TMEM117: variants seen among roughly 807,000 people sequenced by gnomAD.
The protein encoded by TMEM117 is transmembrane protein 117.
In TMEM117, 27 loss-of-function variants were observed where a neutral mutation model predicts 52.4. That is an observed-to-expected ratio of 0.51 (90% CI 0.38 to 0.71). The LOEUF (loss-of-function observed/expected upper bound fraction) is 0.71, where lower values mean the gene tolerates loss of function less well. Ranked by LOEUF, TMEM117 falls within the 30% of genes least tolerant of loss-of-function variation. The pLI is 0.00. For synonymous variants in TMEM117, 215 were observed against 206.3 expected, an observed-to-expected ratio of 1.04 and a Z score of -0.36; for missense variants, 556 against 630.5, an observed-to-expected ratio of 0.88 and a Z score of 1.26.
intron 6 of TMEM117, among the ~76,000 whole-genome samples, chr12:44,364,896 G>C (rs1172714093): frequency 6.6e-6 from 1 of 152,044 alleles, no homozygotes; most frequent in African/African-American, 2.4e-5. Context: ...CATAAAAGCT[G>C]TGTCTTTTTA....
In TMEM117 at chr12:43,956,812, A is replaced by G. The variant is rs1029479610; in HGVS notation, c.410+12470A>G. On this transcript the variant is annotated intron_variant, in intron 3 of 7. Transcript: ENST00000266534. The stretch of plus-strand genomic sequence containing the variant: ...CAATCCCATTACTGGGTATATACCC[A>G]AAGGATTTATAAATCATTCTATTAT... Among the ~76,000 whole-genome samples, 3 of 152,212 alleles carry G rather than the reference A, an allele frequency of 2.0e-5. No individual in the cohort carries two copies. The East Asian group carries it at 5.8e-4, about 29-fold the overall frequency.
intron 5 of TMEM117, among the ~76,000 whole-genome samples, chr12:44,276,342 A>G (rs11609304): frequency 0.049 from 7,500 of 152,280 alleles, 221 homozygotes; most frequent in African/African-American, 0.076. Context: ...ATCATTTGCA[A>G]CAATATGAAT....
At chr12:43,817,195 T>C in the TMEM117 span, among the ~76,000 whole-genome samples, 1 of 152,252 alleles carries the variant, frequency 6.6e-6, no homozygotes, top group Admixed American at 6.5e-5. Flanking sequence ...CTGTGCCTGT[T>C]AACCTACACT....
intron 2 of TMEM117, among the ~76,000 whole-genome samples, chr12:43,875,911 G>A (rs1359947255): frequency 2.0e-5 from 3 of 152,022 alleles, no homozygotes; most frequent in Non-Finnish European, 2.9e-5. Context: ...TGGAAAACCC[G>A]CATTTAGTCC....
At chr12:43,913,109 G>A (rs1231088171) in intron 2 of TMEM117, among the ~76,000 whole-genome samples, 1 of 152,118 alleles carries the variant, frequency 6.6e-6, no homozygotes. Context: ...TTGAACATAT[G>A]GCCCTGTCAA....
At chr12:43,980,840 A>G (rs1156271449) in intron 3 of TMEM117, among the ~76,000 whole-genome samples, 1 of 152,190 alleles carries the variant, frequency 6.6e-6, no homozygotes, top group Non-Finnish European at 1.5e-5. Context: ...GGCGATGCTC[A>G]CATTTATTTA....
At chr12:44,374,616 T>TTGTGTGTGTGTGTGTGTGTG (rs5742462) in intron 6 of TMEM117, among the ~76,000 whole-genome samples, 10 of 144,912 alleles carry the variant, frequency 6.9e-5, no homozygotes, top group African/African-American at 2.3e-4. Context: ...AAGGAACTAT[T>TTGTGTGTGTGTGTGTGTGTG]TGTGTGTGTG....
chr12:44,092,138 C>T (rs548797654), intron 3 of TMEM117, among the ~76,000 whole-genome samples: 7 of 152,084 alleles, frequency 4.6e-5, no homozygotes, highest in Non-Finnish European at 1.0e-4. Flanking sequence ...GTGAAGAATC[C>T]GATATGTATC....
intron 3 of TMEM117, among the ~76,000 whole-genome samples, chr12:43,972,314 G>C (rs1453260960): frequency 1.3e-5 from 2 of 152,204 alleles, no homozygotes; most frequent in Non-Finnish European, 2.9e-5. Context: ...TCTGTGTCCA[G>C]AGTTGGTTCC....
Position 43,878,426 on chromosome 12 carries a change from A to AT in TMEM117, c.277+33505dup, listed in dbSNP as rs531867432. 5.6e-4 allele frequency among the ~76,000 whole-genome samples: 86 copies of AT among 152,288 alleles called. 2 individuals carry two copies. The East Asian group carries it at 0.013, about 22-fold the overall frequency. Reference sequence around the variant, plus strand: ...TGGTCTGGTTCATGTCAAACAACCAATTTTTTTAGAAGAGGAAATAGAGGA... The same window carrying AT: ...TGGTCTGGTTCATGTCAAACAACCAATTTTTTTTAGAAGAGGAAATAGAGGA... On this transcript the variant is annotated intron_variant, in intron 2 of 7. Coordinates refer to ENST00000266534, the MANE Select transcript of TMEM117 (RefSeq NM_032256.3).
intron 3 of TMEM117, chr12:44,009,278 C>A: frequency 3.6e-6 from 1 of 275,254 alleles, no homozygotes; most frequent in South Asian, 3.8e-5. Flanking sequence ...GATGCAGAAA[C>A]CGATACAGGA....
chr12:43,905,083 C>T (rs745883085), intron 2 of TMEM117, among the ~76,000 whole-genome samples: 6 of 151,668 alleles, frequency 4.0e-5, no homozygotes, highest in East Asian at 1.9e-4. Flanking sequence ...GCGGAGGTTG[C>T]GGTGAGCCAA....
At chr12:44,046,646 C>T (rs973875866) in intron 3 of TMEM117, among the ~76,000 whole-genome samples, 1 of 152,170 alleles carries the variant, frequency 6.6e-6, no homozygotes, top group Non-Finnish European at 1.5e-5. Flanking sequence ...AGGTAGTCAT[C>T]AATACCAGCT....
intron 3 of TMEM117, among the ~76,000 whole-genome samples, chr12:44,064,275 A>G (rs1947187514): frequency 6.6e-6 from 1 of 152,200 alleles, no homozygotes; most frequent in Admixed American, 6.5e-5. Flanking sequence ...AAAAGTTTAA[A>G]AGTTTCCGCT....
intron 2 of TMEM117, among the ~76,000 whole-genome samples, chr12:43,915,806 T>C (rs577668406): frequency 6.6e-6 from 1 of 152,252 alleles, no homozygotes; most frequent in Non-Finnish European, 1.5e-5. Flanking sequence ...AGTGTAGTGT[T>C]TTCAAACTAG....
chr12:43,834,410 G>T (rs1592292709), upstream of TMEM117, among the ~76,000 whole-genome samples: 1 of 152,202 alleles, frequency 6.6e-6, no homozygotes, highest in African/African-American at 2.4e-5. Flanking sequence ...TCATGAGTAA[G>T]ATTTAATCTC....
chr12:43,875,359 A>T (rs568776925), intron 2 of TMEM117, among the ~76,000 whole-genome samples: 20 of 152,254 alleles, frequency 1.3e-4, no homozygotes, highest in African/African-American at 4.8e-4. Context: ...GCTGAATGTC[A>T]CTATCAACAG....
intron 6 of TMEM117, among the ~76,000 whole-genome samples, chr12:44,326,921 C>A (rs570405798): frequency 6.6e-6 from 1 of 152,158 alleles, no homozygotes; most frequent in Non-Finnish European, 1.5e-5. Flanking sequence ...TAGCCTGAGC[C>A]GTATGTTAAG....
intron 1 of TMEM117, 140 bp from the exon 2 acceptor site, chr12:43,844,484 T>A: frequency 1.4e-6 from 1 of 714,834 alleles, no homozygotes. Context: ...TTCTCAGACT[T>A]GTCTTGGAGC....
Sources: gnomAD v4.1 joint callset for allele counts (sites outside exome capture counted in the v4.1 genomes callset) on GRCh38, gnomAD v4.1.1 for gene constraint, MANE v1.5 for transcripts, NCBI Gene and HGNC (gene_info 2026-07-23, HGNC 2026-07-21) for gene names.